Variants in BMPR1B observed in about 807,000 individuals in gnomAD.
BMPR1B encodes the protein bone morphogenetic protein receptor type 1B, also known as bone morphogenetic protein receptor type-1B.
A neutral mutation model predicts 59.1 loss-of-function variants in BMPR1B; 12 were observed. That is an observed-to-expected ratio of 0.20 (90% confidence interval 0.13 to 0.33). The LOEUF is 0.33. Ranked by LOEUF, BMPR1B falls within the 10% of genes least tolerant of loss-of-function variation. BMPR1B has a pLI of 1.00. For synonymous variants in BMPR1B, 237 were observed against 207.3 expected, an observed-to-expected ratio of 1.14 and a Z score of -1.23; for missense variants, 550 against 610.9, an observed-to-expected ratio of 0.90 and a Z score of 1.05.
chr4:94,885,694 A>C (rs1727145379), intron 2 of BMPR1B, among the ~76,000 whole-genome samples: 1 of 152,202 alleles, frequency 6.6e-6, no homozygotes, highest in East Asian at 1.9e-4. Context: ...TTTTGAAAAA[A>C]ATCATCTAGG....
In BMPR1B at chr4:94,849,305, G is replaced by T. The variant is rs545822817; in HGVS notation, c.-182-26526G>T. 2.6e-5 allele frequency among the ~76,000 whole-genome samples: 4 copies of T among 152,252 alleles called. No homozygotes were observed. The South Asian group carries it at 6.2e-4, about 24-fold the overall frequency. The stretch of plus-strand genomic sequence containing the variant: ...GAATTGATAACCTCAGTTAAGTCCT[G>T]TTTAAAGTTTAGCAACTTGGAGAGT... On this transcript the variant is annotated intron_variant, in intron 1 of 12. Coordinates refer to ENST00000515059, the MANE Select transcript of BMPR1B (RefSeq NM_001203.3).
At chr4:94,818,867 C>T (rs1442967313) in intron 1 of BMPR1B, among the ~76,000 whole-genome samples, 2 of 152,128 alleles carry the variant, frequency 1.3e-5, no homozygotes, top group Non-Finnish European at 2.9e-5. Flanking sequence ...TGTGATGGCT[C>T]ATGCCTGTAA....
chr4:94,915,490 A>C (rs1728447820), intron 2 of BMPR1B, among the ~76,000 whole-genome samples: 1 of 152,218 alleles, frequency 6.6e-6, no homozygotes, highest in East Asian at 1.9e-4. Context: ...TGTTAAATAT[A>C]ATTCTCAAAT....
chr4:94,997,779 T>G (rs1722160822), intron 3 of BMPR1B, among the ~76,000 whole-genome samples: 1 of 152,224 alleles, frequency 6.6e-6, no homozygotes, highest in South Asian at 2.1e-4. Flanking sequence ...CAATCAATTT[T>G]TATTTGCTTT....
At chr4:95,151,875 G>A (rs189397161) in intron 11 of BMPR1B, among the ~76,000 whole-genome samples, 81 of 152,238 alleles carry the variant, frequency 5.3e-4, no homozygotes, top group African/African-American at 1.9e-3. Context: ...TTAAGAAGGT[G>A]AAAAAGAAGA....
chr4:95,050,114 T>C (rs1726376277), intron 3 of BMPR1B, among the ~76,000 whole-genome samples: 1 of 152,106 alleles, frequency 6.6e-6, no homozygotes, highest in African/African-American at 2.4e-5. Flanking sequence ...GAGCCCAACA[T>C]AGAAGGTTTA....
At position 94,833,618 on chromosome 4, in the gene BMPR1B, A is replaced by G. The variant is rs551148101; in HGVS notation, c.-182-42213A>G. On this transcript the variant is annotated intron_variant, in intron 1 of 12. Coordinates refer to ENST00000515059, the MANE Select transcript of BMPR1B (RefSeq NM_001203.3). ...TAGCCAAATCTTTCCTGATGTTCCC[A>G]TCAGCCCCCAACACCTCCTTCCCCT... Among the ~76,000 whole-genome samples, 11 of 152,238 alleles carry G rather than the reference A, an allele frequency of 7.2e-5. No homozygotes were observed. The South Asian group carries it at 1.7e-3, about 23-fold the overall frequency.
chr4:94,850,642 G>T (rs1468260521), intron 1 of BMPR1B, among the ~76,000 whole-genome samples: 1 of 152,144 alleles, frequency 6.6e-6, no homozygotes, highest in African/African-American at 2.4e-5. Context: ...TCCTGTGCAT[G>T]AATCTTTTGG....
chr4:95,062,701 C>T (rs2149207106), intron 3 of BMPR1B, among the ~76,000 whole-genome samples: 1 of 152,278 alleles, frequency 6.6e-6, no homozygotes, highest in Non-Finnish European at 1.5e-5. Context: ...GTTAATGTTC[C>T]TTTCCATTGT....
intron 1 of BMPR1B, among the ~76,000 whole-genome samples, chr4:94,848,949 G>A (rs1047941304): frequency 6.6e-6 from 1 of 152,204 alleles, no homozygotes; most frequent in African/African-American, 2.4e-5. Flanking sequence ...GGACTGAGAG[G>A]TGAAGACATG....
chr4:94,947,549 G>C (rs1045830425), intron 2 of BMPR1B, among the ~76,000 whole-genome samples: 3 of 152,194 alleles, frequency 2.0e-5, no homozygotes, highest in African/African-American at 7.2e-5. Flanking sequence ...TTGAAAGCTG[G>C]AGTACTTCTT....
At chr4:95,025,355 A>T (rs7664797) in intron 3 of BMPR1B, among the ~76,000 whole-genome samples, 2 of 151,846 alleles carry the variant, frequency 1.3e-5, no homozygotes, top group Non-Finnish European at 2.9e-5. Flanking sequence ...TCATCTCTTT[A>T]GTTGCTTAGT....
At chr4:94,812,434 C>T (rs1295859195) in intron 1 of BMPR1B, among the ~76,000 whole-genome samples, 2 of 152,056 alleles carry the variant, frequency 1.3e-5, no homozygotes, top group African/African-American at 4.8e-5. Flanking sequence ...GCTGGAATTC[C>T]AAAAAGGTAG....
chr4:94,940,296 T>C (rs146937558), intron 2 of BMPR1B, among the ~76,000 whole-genome samples: 3 of 152,306 alleles, frequency 2.0e-5, no homozygotes, highest in Admixed American at 2.0e-4. Context: ...TCTTAAAACA[T>C]TATGAGATAT....
intron 2 of BMPR1B, among the ~76,000 whole-genome samples, chr4:94,980,934 G>A (rs1018857566): frequency 5.3e-5 from 8 of 152,056 alleles, no homozygotes; most frequent in African/African-American, 1.2e-4. Flanking sequence ...GGCAGAGGTT[G>A]CAGTGAGCCG....
chr4:94,902,120 C>A (rs905055552), intron 2 of BMPR1B, among the ~76,000 whole-genome samples: 2 of 143,196 alleles, frequency 1.4e-5, no homozygotes, highest in African/African-American at 5.3e-5. Flanking sequence ...TTGACTATCC[C>A]TCTCTTGAGT....
At chr4:95,018,344 GA>G (rs1723729776) in intron 3 of BMPR1B, among the ~76,000 whole-genome samples, 1 of 152,136 alleles carries the variant, frequency 6.6e-6, no homozygotes, top group East Asian at 1.9e-4. Flanking sequence ...TTTGTTTTAA[GA>G]ATGAATAAAT....
chr4:94,865,135 G>A (rs1006586722), intron 1 of BMPR1B, among the ~76,000 whole-genome samples: 6 of 151,180 alleles, frequency 4.0e-5, no homozygotes, highest in Non-Finnish European at 7.4e-5. Context: ...TCAGCCTCCC[G>A]AGTAGCTGGG....
intron 3 of BMPR1B, among the ~76,000 whole-genome samples, chr4:95,041,630 C>A (rs1725661223): frequency 6.6e-6 from 1 of 150,994 alleles, no homozygotes; most frequent in South Asian, 2.1e-4. Context: ...TTTTTGGCCC[C>A]AGATATTTCT....
Sources: allele counts gnomAD v4.1 joint callset (sites outside exome capture counted in the v4.1 genomes callset), GRCh38; gene constraint gnomAD v4.1.1; transcripts MANE v1.5; gene names NCBI Gene and HGNC (gene_info 2026-07-23, HGNC 2026-07-21).